The following PCDH1 variants were observed in gnomAD, a reference collection of about 807,000 sequenced individuals.
The protein encoded by PCDH1 is protocadherin 1.
A neutral mutation model predicts 74.6 loss-of-function variants in PCDH1; 23 were observed. That is an observed-to-expected ratio of 0.31 (90% CI 0.22 to 0.44). The LOEUF (loss-of-function observed/expected upper bound fraction) is 0.44, where lower values mean the gene tolerates loss of function less well. Ranked by LOEUF, PCDH1 falls within the 20% of genes least tolerant of loss-of-function variation. PCDH1 has a pLI of 1.00. For synonymous variants in PCDH1, 647 were observed against 686.1 expected (o/e 0.94, Z 0.89); for missense variants, 1,214 against 1,641.4 (o/e 0.74, Z 4.50).
chr5:141,878,160 C>T lies in PCDH1; in HGVS notation c.40+63G>A. ...CCGCCGAGCGCCCCTCCCTCAGCTC[C>T]CGCCGGCCATGACCGCTTCGGGCCC... On this transcript the variant is annotated intron_variant, in intron 1 of 4. Transcript: ENST00000287008. This position sits in a 1 kb window ranked among gnomAD's most constrained non-coding sequence, Gnocchi z 5.5. 1 of 1,394,920 alleles carries T rather than the reference C, an allele frequency of 7.2e-7. No homozygotes were observed. The highest frequency in any genetic ancestry group is 9.4e-7 in the Non-Finnish European group (1 of 1,067,654). 86.4% of individuals were successfully genotyped at this position (1,394,920 alleles called of 1,614,324 possible). A position where few individuals can be genotyped will look rare whatever the true frequency, so the allele number is the denominator to read the frequency against.
At chr5:141,871,814 C>T (rs1289743207) in intron 1 of PCDH1, among the ~76,000 whole-genome samples, 10 of 152,106 alleles carry the variant, frequency 6.6e-5, no homozygotes, top group Non-Finnish European at 1.2e-4. Flanking sequence ...GCTCTCTAGG[C>T]TTAGCCTTTC....
rs140049227 is a variant in PCDH1 at position 141,876,153 on chromosome 5, G to A, written c.40+2070C>T. 4.5e-3 allele frequency among the ~76,000 whole-genome samples: 678 copies of A among 152,202 alleles called. 4 individuals carry two copies. The highest frequency in any genetic ancestry group is 0.016 in the African/African-American group (644 of 41,540). On this transcript the variant is annotated intron_variant, in intron 1 of 4. Transcript: ENST00000287008. Reference sequence around the variant, plus strand: ...TTGCGGAGATTAGGGGGTGGCGGGGGGGACGGCGGCAGTTTCTTGGGCTCT... The same window carrying A: ...TTGCGGAGATTAGGGGGTGGCGGGGAGGACGGCGGCAGTTTCTTGGGCTCT...
chr5:141,861,906 G>A (rs1179040767), intron 3 of PCDH1, among the ~76,000 whole-genome samples: 1 of 152,192 alleles, frequency 6.6e-6, no homozygotes, highest in Non-Finnish European at 1.5e-5. Flanking sequence ...CCAGAGCAAG[G>A]AGTGGAAAGT....
Position 141,878,239 on chromosome 5 carries a change from C to A in PCDH1, c.24G>T (p.Arg8=). 7.3e-7 allele frequency: 1 copy of A among 1,376,954 alleles called. No individual in the cohort carries two copies. The highest frequency in any genetic ancestry group is 1.6e-5 in the South Asian group (1 of 61,992). The allele number at this position is 1,376,954 out of a possible 1,614,324, so 85.3% of individuals were successfully genotyped here. The change falls in exon 1 of 5, where the codon CGG becomes CGT. Residue 8 remains arginine (R), a synonymous_variant. Coordinates refer to ENST00000287008, the MANE Select transcript of PCDH1 (RefSeq NM_032420.5). This position sits in a 1 kb window ranked among gnomAD's most constrained non-coding sequence, Gnocchi z 5.5. ...GATCCTTACCCGCCTCCGGGCAGCG[C>A]CGGCCGCCCGCCCCGCTGTCCATGA... MDSGAGG[R]RCPEAALLIL... is the part of the protein sequence containing the mutation.
chr5:141,878,067 T>C lies in PCDH1; in HGVS notation c.40+156A>G, dbSNP rs1358226919. Among the ~76,000 whole-genome samples, 2 of 152,124 alleles carry C rather than the reference T, an allele frequency of 1.3e-5. No individual in the cohort carries two copies. Among genetic ancestry groups the C allele is most frequent in the Non-Finnish European group, 2.9e-5 (2 of 67,998 alleles). Reference sequence around the variant, plus strand: ...AATCCCTCAGCCGCATCCCCTGCTATGGGCTCCCAGCAGCCCCCACCTCAG... The same window carrying C: ...AATCCCTCAGCCGCATCCCCTGCTACGGGCTCCCAGCAGCCCCCACCTCAG... On this transcript the variant is annotated intron_variant, in intron 1 of 4. Transcript: ENST00000287008. This position sits in a 1 kb window ranked among gnomAD's most constrained non-coding sequence, Gnocchi z 5.5.
Position 141,864,837 on chromosome 5 carries a change from G to A in PCDH1, c.1494C>T (p.Asp498=), listed in dbSNP as rs35082438. ...STNSLKVQVV[D]VNDNAPVFTQ... ...TGAAGACAGGTGCGTTGTCATTGAC[G>A]TCCACCACCTGCACCTTGAGGGAGT... Residue 498 remains aspartate (D), a synonymous_variant, in exon 3 of 5, where the codon GAC becomes GAT. Transcript: ENST00000287008. The surrounding 1 kb of genome is among the most constrained non-coding windows in gnomAD (Gnocchi z 5.9). 100 of 1,614,176 alleles carry A rather than the reference G, an allele frequency of 6.2e-5. No individual in the cohort carries two copies. The African/African-American group carries it at 9.6e-4, about 15-fold the overall frequency.
At chr5:141,862,690 T>C in intron 3 of PCDH1, 5 of 990,000 alleles carry the variant, frequency 5.1e-6, no homozygotes, top group East Asian at 1.1e-4. Flanking sequence ...GTCAAGGGCA[T>C]GTGGGACCCA....
At chr5:141,856,102 C>T in intron 4 of PCDH1, 1 of 942,092 alleles carries the variant, frequency 1.1e-6, no homozygotes, top group East Asian at 2.6e-5. Context: ...CAAGGCTCTA[C>T]AGCTCAGAGC....
intron 1 of PCDH1, among the ~76,000 whole-genome samples, chr5:141,875,850 C>A (rs1753212802): frequency 6.6e-6 from 1 of 152,172 alleles, no homozygotes; most frequent in Non-Finnish European, 1.5e-5. Context: ...TTCCCCCAGA[C>A]CTTAACGTCA....
intron 4 of PCDH1, 132 bp from the exon 5 acceptor site, chr5:141,854,568 A>C (rs1255447932): frequency 1.5e-5 from 13 of 846,180 alleles, no homozygotes; most frequent in Non-Finnish European, 2.0e-5. Context: ...CGCTGAACTC[A>C]CAGGCACACA....
intron 4 of PCDH1, chr5:141,856,258 C>T (rs1347576863): frequency 2.5e-5 from 38 of 1,509,252 alleles, no homozygotes; most frequent in African/African-American, 5.5e-5. Flanking sequence ...TCCGGCCAGC[C>T]GGCTCTGCGC....
chr5:141,878,125 C>A lies in PCDH1; in HGVS notation c.40+98G>T. ...GCGCCGAGCTCGTGTTGGGCCCCCG[C>A]GGCCTCGCTCCGCCGAGCGCCCCTC... is the stretch of plus-strand genomic sequence containing the variant. On this transcript the variant is annotated intron_variant, in intron 1 of 4. Coordinates refer to ENST00000287008, the MANE Select transcript of PCDH1 (RefSeq NM_032420.5). The surrounding 1 kb of genome is among the most constrained non-coding windows in gnomAD (Gnocchi z 5.5). The A allele has an allele frequency of 8.6e-7, 1 of 1,160,052 alleles. No individual in the cohort carries two copies. The highest frequency in any genetic ancestry group is 1.1e-6 in the Non-Finnish European group (1 of 883,710). 71.9% of individuals were successfully genotyped at this position (1,160,052 alleles called of 1,614,324 possible). A position where few individuals can be genotyped will look rare whatever the true frequency, so the allele number is the denominator to read the frequency against.
At chr5:141,874,912 A>C (rs907601442) in intron 1 of PCDH1, among the ~76,000 whole-genome samples, 9 of 152,050 alleles carry the variant, frequency 5.9e-5, no homozygotes, top group African/African-American at 2.2e-4. Flanking sequence ...GCAAGTGTGC[A>C]GACCTCAGCT....
At chr5:141,867,697 G>C in intron 2 of PCDH1, 1 of 422,376 alleles carries the variant, frequency 2.4e-6, no homozygotes, top group Non-Finnish European at 4.6e-6. Context: ...TTCCAGGATG[G>C]GTAATGGTGT....
In PCDH1 at chr5:141,863,639, C is replaced by T. The variant is rs751315356; in HGVS notation, c.2692G>A (p.Ala898Thr). ...AGKKETKDLY[A>T]PKPSGKASKG... is the part of the protein sequence containing the mutation. ...GAGGCCTTGCCACTGGGCTTGGGGGCATACAGGTCCTTGGTCTCCTTCTTA... is the reference window on the plus strand; with the variant it reads ...GAGGCCTTGCCACTGGGCTTGGGGGTATACAGGTCCTTGGTCTCCTTCTTA... The change falls in exon 3 of 5, where the codon GCC (alanine) becomes ACC (threonine). Residue 898 changes from alanine (A) to threonine (T), a missense_variant. Transcript: ENST00000287008. This position sits in a 1 kb window ranked among gnomAD's most constrained non-coding sequence, Gnocchi z 7.5. 2 of 1,614,224 alleles carry T rather than the reference C, an allele frequency of 1.2e-6. No homozygotes were observed. The highest frequency in any genetic ancestry group is 2.2e-5 in the East Asian group (1 of 44,884).
chr5:141,862,770 C>T, intron 3 of PCDH1: 8 of 1,023,342 alleles, frequency 7.8e-6, no homozygotes, highest in Non-Finnish European at 9.4e-6. Context: ...GGGAAGGTGC[C>T]CTCCCCTGGC....
chr5:141,857,678 C>T (rs1752403606), intron 3 of PCDH1, among the ~76,000 whole-genome samples: 1 of 152,178 alleles, frequency 6.6e-6, no homozygotes, highest in African/African-American at 2.4e-5. Context: ...GCTCCTAGTA[C>T]AGCCAAGTCC....
At chr5:141,873,629 T>TG (rs913842561) in intron 1 of PCDH1, among the ~76,000 whole-genome samples, 1 of 149,580 alleles carries the variant, frequency 6.7e-6, no homozygotes, top group African/African-American at 2.5e-5. Flanking sequence ...TTTTTTTTTT[T>TG]TTGTATTTTT....
intron 1 of PCDH1, among the ~76,000 whole-genome samples, chr5:141,871,467 A>AC (rs1753094949): frequency 6.6e-6 from 1 of 152,214 alleles, no homozygotes; most frequent in Non-Finnish European, 1.5e-5. Flanking sequence ...TCTGAGGCAA[A>AC]CCCAGCTGCT....
Sources: allele counts gnomAD v4.1 joint callset (sites outside exome capture counted in the v4.1 genomes callset), GRCh38; gene constraint gnomAD v4.1.1; non-coding constraint Gnocchi (gnomAD v3.1); transcripts MANE v1.5; gene names NCBI Gene and HGNC (gene_info 2026-07-23, HGNC 2026-07-21).